ASL: variants seen among roughly 807,000 people sequenced by gnomAD.
ASL encodes argininosuccinase.
In ASL, 51 loss-of-function variants were observed where a neutral mutation model predicts 69.1. The ratio of observed to expected loss-of-function variants is 0.74; its 90% CI spans 0.59 to 0.93. The LOEUF (loss-of-function observed/expected upper bound fraction) is 0.93, where lower values mean the gene tolerates loss of function less well. Among genes scored for constraint, ASL ranks in the 40% least tolerant of loss-of-function variants. The pLI, the probability that ASL is intolerant of heterozygous loss-of-function variation, is 0.00. For synonymous variants in ASL, 241 were observed against 247.6 expected, an observed-to-expected ratio of 0.97 and a Z score of 0.25; for missense variants, 540 against 623.9, an observed-to-expected ratio of 0.87 and a Z score of 1.43.
intron 8 of ASL, 36 bp downstream of exon 8, chr7:66,086,857 G>A: frequency 1.9e-6 from 3 of 1,549,040 alleles, no homozygotes; most frequent in Non-Finnish European, 1.7e-6. Context: ...GGCCTGGTGG[G>A]GGTGGCTGCT....
At chr7:66,091,890 G>C (rs938721076) in intron 14 of ASL, 116 bp from the exon 15 acceptor site, 14 of 998,306 alleles carry the variant, frequency 1.4e-5, no homozygotes, top group Non-Finnish European at 2.1e-5. Context: ...GAGCCGAGTG[G>C]GTAAGAGAGT....
chr7:66,087,712 TC>T lies in ASL; in HGVS notation c.656-15del, dbSNP rs1292315164. ...CCCTGTCCTCCAGCTTAGCCCTGCT[TC>T]CTCCCACCCCCCCAGAACTCAACTT... On this transcript the variant is annotated splice_polypyrimidine_tract_variant and intron_variant, in intron 9 of 16. Coordinates refer to ENST00000304874, the MANE Select transcript of ASL (RefSeq NM_000048.4). 1.2e-6 allele frequency: 2 copies of T among 1,613,812 alleles called. No individual in the cohort carries two copies. The highest frequency in any genetic ancestry group is 1.7e-6 in the Non-Finnish European group (2 of 1,179,978).
At position 66,083,153 on chromosome 7, in the gene ASL, C is replaced by T; in HGVS notation, c.425C>T (p.Thr142Ile). The T allele has an allele frequency of 6.2e-7, 1 of 1,613,326 alleles. No homozygotes were observed. The change falls in exon 6 of 17, where the codon ACC becomes ATC. Residue 142 changes from threonine (T) to isoleucine (I), a missense_variant. Transcript: ENST00000304874. The part of the protein sequence containing the change: ...LSGLLWELIR[T>I]MVDRAEAERD... ...GGCCTCCTCTGGGAGCTCATTAGGA[C>T]CATGGTGGATCGGGCAGAGGCGTGA... is the stretch of plus-strand genomic sequence containing the variant.
At chr7:66,078,715 AC>A (rs80076587) in intron 2 of ASL, among the ~76,000 whole-genome samples, 58,756 of 151,288 alleles carry the variant, frequency 0.39, 12,174 homozygotes, top group Non-Finnish European at 0.47. Context: ...GCTCACCGCA[AC>A]CTCTACCTCC....
intron 10 of ASL, 131 bp from the exon 11 acceptor site, chr7:66,088,676 G>C: frequency 1.3e-6 from 1 of 772,150 alleles, no homozygotes; most frequent in Non-Finnish European, 2.3e-6. Flanking sequence ...GGGCGACATA[G>C]CACGACCCCA....
chr7:66,081,873 T>A lies in ASL; in HGVS notation c.83T>A (p.Ile28Asn). 1 of 1,614,050 alleles carries A rather than the reference T, an allele frequency of 6.2e-7. No homozygotes were observed. Among genetic ancestry groups the A allele is most frequent in the South Asian group, 1.1e-5 (1 of 91,080 alleles). The change falls in exon 3 of 17, where the codon ATT becomes AAT. Residue 28 changes from isoleucine (I) to asparagine (N), a missense_variant. Physicochemically the swap from Ile to Asn is moderately radical, Grantham distance 149. Transcript: ENST00000304874. ...DPIMEKFNAS[I>N]AYDRHLWEVD... ...ATCATGGAGAAGTTCAACGCGTCCA[T>A]TGCCTACGACCGGCACCTTTGGGAG...
rs1005759092 is a variant in ASL, at chr7:66,092,927, G to GCC, written c.*19_*20dup. The GCC allele has an allele frequency of 1.1e-5, 18 of 1,601,314 alleles. No individual in the cohort carries two copies. Among genetic ancestry groups the GCC allele is most frequent in the Non-Finnish European group, 1.5e-5 (18 of 1,178,774 alleles). On this transcript the variant is annotated 3_prime_UTR_variant, in exon 17 of 17. Coordinates refer to ENST00000304874, the MANE Select transcript of ASL (RefSeq NM_000048.4). ...AGCAGGCCTAGGTCCTCCCACACCTGCCCCCTAATAAAGTGGGCGCGAGAG... is the reference window on the plus strand; with the variant it reads ...AGCAGGCCTAGGTCCTCCCACACCTGCCCCCCCTAATAAAGTGGGCGCGAGAG...
At chr7:66,089,049 C>A in intron 11 of ASL, 42 bp from the exon 12 acceptor site, 2 of 1,610,808 alleles carry the variant, frequency 1.2e-6, no homozygotes, top group Non-Finnish European at 1.7e-6. Context: ...GCTGGACCAG[C>A]CAAGGGTCCA....
In ASL at chr7:66,089,230, G is replaced by A. The variant is rs370949043; in HGVS notation, c.919-46G>A. 5.6e-6 allele frequency: 9 copies of A among 1,611,960 alleles called. No homozygotes were observed. In the South Asian group the frequency reaches 9.9e-5, roughly 18 times the overall value. ...TCTGGGCTGATGGTGGGTGGCCAGG[G>A]GGGCAGGATCCCGGGTCCAGCCCCT... On this transcript the variant is annotated intron_variant, in intron 12 of 16. Coordinates refer to ENST00000304874, the MANE Select transcript of ASL (RefSeq NM_000048.4).
Position 66,083,328 on chromosome 7 carries a change from T to A in ASL, c.446+154T>A, listed in dbSNP as rs1346503042. On this transcript the variant is annotated intron_variant, in intron 6 of 16. Transcript: ENST00000304874. ...AGGATCGAGGCAGAGCAGCCAGGAG[T>A]GGGCCATTTCCTGCAGGCCCCAATA... 15 of 761,260 alleles carry A rather than the reference T, an allele frequency of 2.0e-5. No homozygotes were observed. In the South Asian group the frequency reaches 2.3e-4, roughly 12 times the overall value. 47.2% of individuals were successfully genotyped at this position (761,260 alleles called of 1,614,324 possible).
intron 14 of ASL, 93 bp from the exon 15 acceptor site, chr7:66,091,913 C>A: frequency 7.7e-7 from 1 of 1,300,202 alleles, no homozygotes; most frequent in Non-Finnish European, 1.1e-6. Context: ...CTGCCCAAGG[C>A]AGGGATGTCC....
At chr7:66,084,449 A>T (rs1385283679) in intron 6 of ASL, among the ~76,000 whole-genome samples, 1 of 151,990 alleles carries the variant, frequency 6.6e-6, no homozygotes, top group African/African-American at 2.4e-5. Flanking sequence ...CCCATAAGCC[A>T]CTGCGCTCAG....
In ASL at chr7:66,089,086, C is replaced by G; in HGVS notation, c.834-5C>G. 2 of 1,613,890 alleles carry G rather than the reference C, an allele frequency of 1.2e-6. No individual in the cohort carries two copies. The highest frequency in any genetic ancestry group is 1.7e-6 in the Non-Finnish European group (2 of 1,179,950). ...CCCCTTCAGCGCCAGCACCTCTGTC[C>G]CCAGCACGGGAAGCAGCCTGATGCC... On this transcript the variant is annotated splice_polypyrimidine_tract_variant and splice_region_variant and intron_variant, in intron 11 of 16. Transcript: ENST00000304874.
At chr7:66,080,351 A>C (rs186300157) in intron 2 of ASL, among the ~76,000 whole-genome samples, 1 of 138,132 alleles carries the variant, frequency 7.2e-6, no homozygotes, top group East Asian at 2.1e-4. Flanking sequence ...CTGCCACTGC[A>C]CTCCAGCCTG....
At chr7:66,087,152 T>A in intron 8 of ASL, 182 bp from the exon 9 acceptor site, 1 of 712,364 alleles carries the variant, frequency 1.4e-6, no homozygotes, top group Non-Finnish European at 2.4e-6. Context: ...TGGGGACAAG[T>A]ATTCTGTACC....
At chr7:66,089,494 G>A in intron 13 of ASL, 118 bp from the exon 14 acceptor site, 1 of 1,374,670 alleles carries the variant, frequency 7.3e-7, no homozygotes, top group Admixed American at 1.9e-5. Flanking sequence ...CTTTGTTGGG[G>A]TATTGAGTGT....
At chr7:66,089,586 C>T in intron 13 of ASL, 26 bp from the exon 14 acceptor site, 1 of 1,612,324 alleles carries the variant, frequency 6.2e-7, no homozygotes, top group Admixed American at 1.7e-5. Flanking sequence ...CTGCTAGGCC[C>T]TCACCTCCTG....
At chr7:66,076,841 G>C (rs1331736413) in intron 2 of ASL, among the ~76,000 whole-genome samples, 1 of 152,196 alleles carries the variant, frequency 6.6e-6, no homozygotes, top group Non-Finnish European at 1.5e-5. Flanking sequence ...CCTGATGCTT[G>C]ATGAAGGGAA....
At chr7:66,076,838 C>T (rs980052915) in intron 2 of ASL, among the ~76,000 whole-genome samples, 4 of 152,178 alleles carry the variant, frequency 2.6e-5, no homozygotes, top group Non-Finnish European at 5.9e-5. Flanking sequence ...TCGCCTGATG[C>T]TTGATGAAGG....
Sources: gnomAD v4.1 joint callset for allele counts (sites outside exome capture counted in the v4.1 genomes callset) on GRCh38, gnomAD v4.1.1 for gene constraint, MANE v1.5 for transcripts, NCBI Gene and HGNC (gene_info 2026-07-23, HGNC 2026-07-21) for gene names.